The following LRRTM4 variants were observed in gnomAD, a reference collection of about 807,000 sequenced individuals.
LRRTM4 encodes the protein leucine-rich repeat transmembrane neuronal protein 4.
LRRTM4 carries 25 observed loss-of-function variants against 47.6 expected under a neutral mutation model. The ratio of observed to expected loss-of-function variants is 0.53; its 90% CI spans 0.38 to 0.73. The LOEUF (loss-of-function observed/expected upper bound fraction) is 0.73, where lower values mean the gene tolerates loss of function less well. LRRTM4 is among the 30% of genes least tolerant of loss of function. The pLI, the probability that LRRTM4 is intolerant of heterozygous loss-of-function variation, is 0.00. For synonymous variants in LRRTM4, 311 were observed against 269.5 expected (o/e 1.15, Z -1.51); for missense variants, 638 against 713.4 (o/e 0.89, Z 1.20).
intron 3 of LRRTM4, among the ~76,000 whole-genome samples, chr2:76,833,624 A>G (rs1671421146): frequency 1.3e-5 from 2 of 151,986 alleles, no homozygotes; most frequent in Non-Finnish European, 2.9e-5. Flanking sequence ...GTAAGATATG[A>G]CATTAATAAA....
intron 3 of LRRTM4, among the ~76,000 whole-genome samples, chr2:77,247,385 A>G (rs1284962726): frequency 6.6e-6 from 1 of 152,108 alleles, no homozygotes; most frequent in African/African-American, 2.4e-5. Flanking sequence ...CTACCATATG[A>G]CTTACTGAAA....
At chr2:77,328,661 G>A (rs1445996390) in intron 3 of LRRTM4, among the ~76,000 whole-genome samples, 1 of 152,134 alleles carries the variant, frequency 6.6e-6, no homozygotes, top group Non-Finnish European at 1.5e-5. Flanking sequence ...GTGAAGCCCT[G>A]GGGGAGAGTG....
At chr2:76,957,137 T>C (rs1010890319) in intron 3 of LRRTM4, among the ~76,000 whole-genome samples, 3 of 151,740 alleles carry the variant, frequency 2.0e-5, no homozygotes, top group African/African-American at 7.2e-5. Flanking sequence ...AAAGACATTC[T>C]GTTAAGCAAA....
At chr2:77,380,596 A>T (rs181706980) in intron 3 of LRRTM4, among the ~76,000 whole-genome samples, 71 of 152,184 alleles carry the variant, frequency 4.7e-4, no homozygotes, top group African/African-American at 1.3e-3. Context: ...CAGGAGTTCG[A>T]GACCATCTGG....
At chr2:77,185,577 G>A (rs907878027) in intron 3 of LRRTM4, among the ~76,000 whole-genome samples, 4 of 152,030 alleles carry the variant, frequency 2.6e-5, no homozygotes, top group Non-Finnish European at 5.9e-5. Flanking sequence ...GTGCATATTT[G>A]GAATAATTAT....
At chr2:77,438,407 T>A (rs1675693420) in intron 3 of LRRTM4, among the ~76,000 whole-genome samples, 1 of 44,150 alleles carries the variant, frequency 2.3e-5, no homozygotes, top group Non-Finnish European at 6.7e-5. Context: ...TTTTTTTTTT[T>A]TTTTTTTTTT....
At chr2:76,793,638 G>C (rs558977306) in intron 3 of LRRTM4, among the ~76,000 whole-genome samples, 2 of 151,996 alleles carry the variant, frequency 1.3e-5, no homozygotes, top group African/African-American at 2.4e-5. Context: ...AGGAAAAAGC[G>C]CAAAAGAGGG....
At chr2:77,401,782 C>T (rs1673969283) in intron 3 of LRRTM4, among the ~76,000 whole-genome samples, 2 of 151,758 alleles carry the variant, frequency 1.3e-5, no homozygotes, top group Non-Finnish European at 2.9e-5. Context: ...CAGAAGCAGC[C>T]CAGGTCTATC....
intron 3 of LRRTM4, among the ~76,000 whole-genome samples, chr2:76,815,687 A>G (rs1250512660): frequency 6.6e-6 from 1 of 152,150 alleles, no homozygotes; most frequent in Admixed American, 6.6e-5. Context: ...AGACTGGGCA[A>G]TATCAGATTG....
At chr2:76,760,123 C>T (rs2104078865) in intron 3 of LRRTM4, among the ~76,000 whole-genome samples, 1 of 152,228 alleles carries the variant, frequency 6.6e-6, no homozygotes, top group Non-Finnish European at 1.5e-5. Context: ...AAGTTTACCT[C>T]TAAAGCTGTG....
intron 3 of LRRTM4, among the ~76,000 whole-genome samples, chr2:77,318,192 G>C (rs530358822): frequency 1.8e-4 from 27 of 152,006 alleles, no homozygotes; most frequent in African/African-American, 6.5e-4. Context: ...ATTTTTAGTA[G>C]AGACGGGGTT....
chr2:76,813,580 C>G (rs544572352), intron 3 of LRRTM4, among the ~76,000 whole-genome samples: 1 of 151,540 alleles, frequency 6.6e-6, no homozygotes, highest in Non-Finnish European at 1.5e-5. Context: ...TAAATTCATG[C>G]GAACAGTAAA....
intron 3 of LRRTM4, among the ~76,000 whole-genome samples, chr2:77,475,513 A>G (rs1677352304): frequency 6.6e-6 from 1 of 152,060 alleles, no homozygotes. Flanking sequence ...GATCTCAAAT[A>G]AAATTTGTTT....
intron 3 of LRRTM4, among the ~76,000 whole-genome samples, chr2:76,825,930 G>A (rs1394884312): frequency 1.3e-5 from 2 of 151,726 alleles, no homozygotes; most frequent in Admixed American, 6.6e-5. Flanking sequence ...TACAAAAGAC[G>A]TATTTAATTT....
chr2:77,233,882 C>T (rs1675034973), intron 3 of LRRTM4, among the ~76,000 whole-genome samples: 1 of 152,056 alleles, frequency 6.6e-6, no homozygotes, highest in African/African-American at 2.4e-5. Context: ...CGCGTCCACC[C>T]CTGCCTCCAT....
intron 3 of LRRTM4, among the ~76,000 whole-genome samples, chr2:77,137,739 G>T (rs968477585): frequency 2.6e-5 from 4 of 152,100 alleles, no homozygotes; most frequent in South Asian, 2.1e-4. Context: ...CATGTCACAC[G>T]CAGGGACACA....
chr2:76,769,775 A>G (rs1673613318), intron 3 of LRRTM4, among the ~76,000 whole-genome samples: 1 of 152,158 alleles, frequency 6.6e-6, no homozygotes, highest in Non-Finnish European at 1.5e-5. Flanking sequence ...CAGTTGTTTC[A>G]CGGAAATTAT....
At chr2:77,016,026 A>C (rs1211588234) in intron 3 of LRRTM4, among the ~76,000 whole-genome samples, 1 of 152,120 alleles carries the variant, frequency 6.6e-6, no homozygotes, top group Admixed American at 6.5e-5. Flanking sequence ...GGTTGCAGTG[A>C]GCCGAGATCA....
At chr2:76,873,075 T>C (rs1672672718) in intron 3 of LRRTM4, among the ~76,000 whole-genome samples, 1 of 152,106 alleles carries the variant, frequency 6.6e-6, no homozygotes, top group Non-Finnish European at 1.5e-5. Context: ...GCCTAAGGCA[T>C]TTCTTTATAA....
Sources: allele counts gnomAD v4.1 joint callset (sites outside exome capture counted in the v4.1 genomes callset), GRCh38; gene constraint gnomAD v4.1.1; transcripts MANE v1.5; gene names NCBI Gene and HGNC (gene_info 2026-07-23, HGNC 2026-07-21).